Variants in SNRNP200 observed in about 807,000 individuals in gnomAD.
SNRNP200 encodes U5 small nuclear ribonucleoprotein 200 kDa helicase.
In SNRNP200, 66 loss-of-function variants were observed where a neutral mutation model predicts 255.2. The ratio of observed to expected loss-of-function variants is 0.26; its 90% CI spans 0.21 to 0.32. SNRNP200 has a LOEUF of 0.32. Ranked by LOEUF, SNRNP200 falls within the 10% of genes least tolerant of loss-of-function variation. The probability of loss-of-function intolerance (pLI) is 1.00; values close to 1 mark genes in which losing one functional copy is unlikely to be tolerated. For synonymous variants in SNRNP200, 939 were observed against 1,027.8 expected (o/e 0.91, Z 1.65); for missense variants, 1,585 against 2,749.8 (o/e 0.58, Z 9.47).
rs886056464 is a variant in SNRNP200 at position 96,296,950 on chromosome 2, G to A, written c.1498C>T (p.Leu500=). The stretch of plus-strand genomic sequence containing the variant: ...GCGCTTACAGTAGGAGCACACAGCA[G>A]CAGATTCTCATCCGTCTCAAGGGCA... ...RAALETDENL[L]LCAPTGAGKT... The change falls in exon 12 of 45, where the codon CTG becomes TTG. Residue 500 remains leucine, a synonymous_variant. Coordinates refer to ENST00000323853, the MANE Select transcript of SNRNP200 (RefSeq NM_014014.5). 1.2e-6 allele frequency: 2 copies of A among 1,614,214 alleles called. No homozygotes were observed. The highest frequency in any genetic ancestry group is 2.7e-5 in the African/African-American group (2 of 75,054).
At chr2:96,301,931 C>G (rs2063955864) in intron 3 of SNRNP200, among the ~76,000 whole-genome samples, 1 of 152,206 alleles carries the variant, frequency 6.6e-6, no homozygotes, top group African/African-American at 2.4e-5. Flanking sequence ...CAGCAGGACA[C>G]AGCTTCCACA....
In SNRNP200 at chr2:96,274,509, T is replaced by C. The variant is rs1407679174; in HGVS notation, c.*503A>G. The C allele has an allele frequency of 5.1e-6, 1 of 195,210 alleles. No homozygotes were observed. The highest frequency in any genetic ancestry group is 1.1e-5 in the Non-Finnish European group (1 of 93,260). The allele number at this position is 195,210 out of a possible 1,614,324, so 12.1% of individuals were successfully genotyped here. On this transcript the variant is annotated 3_prime_UTR_variant, in exon 45 of 45. Transcript: ENST00000323853. ...GGCTCAGTGTTGGTTCTTGTGGTAG[T>C]GCTGATGTGTGGGTACCACTGAGGC...
intron 8 of SNRNP200, 69 bp from the exon 9 acceptor site, chr2:96,298,489 G>A (rs1221511225): frequency 9.3e-6 from 15 of 1,610,760 alleles, no homozygotes; most frequent in Non-Finnish European, 1.0e-5. Context: ...CCTCAGGGTA[G>A]AAAGAAGAAA....
At position 96,275,308 on chromosome 2, in the gene SNRNP200, C is replaced by T. The variant is rs1684636107; in HGVS notation, c.6216G>A (p.Lys2072=). The part of the protein sequence containing the change: ...EGWWVVIGDA[K]SNSLISIKRL... ...TCTTGATGGAGATGAGGCTATTGGA[C>T]TTGGCATCTCCAATCACCACCCACC... is the stretch of plus-strand genomic sequence containing the variant. The change falls in exon 44 of 45, where the codon AAG becomes AAA. Residue 2072 remains lysine, a synonymous_variant. Transcript: ENST00000323853. 1.9e-6 allele frequency: 3 copies of T among 1,613,924 alleles called. No individual in the cohort carries two copies. Among genetic ancestry groups the T allele is most frequent in the East Asian group, 4.5e-5 (2 of 44,872 alleles).
chr2:96,294,109 T>C (rs1188261738), intron 14 of SNRNP200, among the ~76,000 whole-genome samples: 2 of 148,242 alleles, frequency 1.3e-5, no homozygotes, highest in Non-Finnish European at 3.0e-5. Flanking sequence ...AATGTTTTTT[T>C]TAAAAAGTCA....
intron 13 of SNRNP200, among the ~76,000 whole-genome samples, chr2:96,296,058 G>A (rs2063915011): frequency 6.6e-6 from 1 of 152,088 alleles, no homozygotes; most frequent in Non-Finnish European, 1.5e-5. Flanking sequence ...ACTTGAACCT[G>A]GGAAGTTAAG....
rs1558766261 is a variant in SNRNP200, at chr2:96,286,254, G to A, written c.4003+57C>T. 5.7e-6 allele frequency: 9 copies of A among 1,569,588 alleles called. No individual in the cohort carries two copies. In the East Asian group the frequency reaches 6.7e-5, roughly 12 times the overall value. ...CCCCCACTCCCCTGCCTGCCACAGAGCACATCTGTCTCCCGGTGACTTCAA... is the reference window on the plus strand; with the variant it reads ...CCCCCACTCCCCTGCCTGCCACAGAACACATCTGTCTCCCGGTGACTTCAA... On this transcript the variant is annotated intron_variant, in intron 29 of 44. Transcript: ENST00000323853. The surrounding 1 kb of genome is among the most constrained non-coding windows in gnomAD (Gnocchi z 4.8).
rs1378869718 is a variant in SNRNP200 at position 96,279,390 on chromosome 2, A to C, written c.5133+61T>G. Reference sequence around the variant, plus strand: ...GTTACTGAAGACATCTATCAAAAGAAAGATTAAAGAATCCATTCTGAGGCT... The same window carrying C: ...GTTACTGAAGACATCTATCAAAAGACAGATTAAAGAATCCATTCTGAGGCT... On this transcript the variant is annotated intron_variant, in intron 36 of 44. Coordinates refer to ENST00000323853, the MANE Select transcript of SNRNP200 (RefSeq NM_014014.5). 4 of 1,052,692 alleles carry C rather than the reference A, an allele frequency of 3.8e-6. No homozygotes were observed. In the African/African-American group the frequency reaches 4.7e-5, roughly 12 times the overall value. 65.2% of individuals were successfully genotyped at this position (1,052,692 alleles called of 1,614,324 possible). A position where few individuals can be genotyped will look rare whatever the true frequency, so the allele number is the denominator to read the frequency against.
Position 96,277,111 on chromosome 2 carries a change from TA to T in SNRNP200, c.6061del (p.Tyr2021MetfsTer4), listed in dbSNP as rs748862187. ...CNRYPNIELS[Y>X]EVVDKDSIRS... ...GATGCTGTCCTTATCTACCACCTCA[TA>T]AGATAGTTCGATATTAGGGTAGCGG... On this transcript the variant is annotated frameshift_variant, in exon 42 of 45. Coordinates refer to ENST00000323853, the MANE Select transcript of SNRNP200 (RefSeq NM_014014.5). LOFTEE classifies it high-confidence loss of function. The surrounding 1 kb of genome is among the most constrained non-coding windows in gnomAD (Gnocchi z 4.4). 6.2e-7 allele frequency: 1 copy of T among 1,614,152 alleles called. No homozygotes were observed. Among genetic ancestry groups the T allele is most frequent in the Non-Finnish European group, 8.5e-7 (1 of 1,180,030 alleles).
At position 96,274,604 on chromosome 2, in the gene SNRNP200, G is replaced by C. The variant is rs977577927; in HGVS notation, c.*408C>G. ...CTACAGGGGACAGCACACCTAATGA[G>C]CAGGTCTGTCCTCCAGACATACTCA... On this transcript the variant is annotated 3_prime_UTR_variant, in exon 45 of 45. Coordinates refer to ENST00000323853, the MANE Select transcript of SNRNP200 (RefSeq NM_014014.5). 4.3e-5 allele frequency: 14 copies of C among 327,954 alleles called. No homozygotes were observed. Among genetic ancestry groups the C allele is most frequent in the Non-Finnish European group, 7.7e-5 (13 of 169,194 alleles). 20.3% of individuals were successfully genotyped at this position (327,954 alleles called of 1,614,324 possible). A position where few individuals can be genotyped will look rare whatever the true frequency, so the allele number is the denominator to read the frequency against.
Position 96,283,090 on chromosome 2 carries a change from T to C in SNRNP200, c.4915+111A>G. 7.2e-7 allele frequency: 1 copy of C among 1,397,648 alleles called. No individual in the cohort carries two copies. The highest frequency in any genetic ancestry group is 1.0e-6 in the Non-Finnish European group (1 of 995,644). 86.6% of individuals were successfully genotyped at this position (1,397,648 alleles called of 1,614,324 possible). ...ACAGCCAAGAGTCCTAAACAGTATT[T>C]TGAAAATCTCTGGTATGCTGTAGAG... On this transcript the variant is annotated intron_variant, in intron 34 of 44. Coordinates refer to ENST00000323853, the MANE Select transcript of SNRNP200 (RefSeq NM_014014.5). The surrounding 1 kb of genome is among the most constrained non-coding windows in gnomAD (Gnocchi z 4.7).
At position 96,284,359 on chromosome 2, in the gene SNRNP200, C is replaced by T. The variant is rs775174884; in HGVS notation, c.4391G>A (p.Gly1464Glu). 6.2e-7 allele frequency: 1 copy of T among 1,613,032 alleles called. No individual in the cohort carries two copies. Among genetic ancestry groups the T allele is most frequent in the Admixed American group, 1.7e-5 (1 of 60,018 alleles). Residue 1464 changes from glycine to glutamate, a missense_variant and splice_region_variant, in exon 31 of 45, where the codon GGG becomes GAG. Physicochemically the swap from Gly to Glu is moderately conservative, Grantham distance 98. Coordinates refer to ENST00000323853, the MANE Select transcript of SNRNP200 (RefSeq NM_014014.5). ...DEVHLIGGEN[G>E]PVLEVICSRM... The stretch of plus-strand genomic sequence containing the variant: ...CTGTGCTGCAAGGTCACGCCATACC[C>T]CATTCTCGCCCCCGATAAGGTGGAC...
Position 96,278,119 on chromosome 2 carries a change from T to C in SNRNP200, c.5610+118A>G. On this transcript the variant is annotated intron_variant, in intron 39 of 44. Transcript: ENST00000323853. The surrounding 1 kb of genome is among the most constrained non-coding windows in gnomAD (Gnocchi z 6.9). ...GAGGGAGGTATGGAGCGGGAGGACATATGGCGGGGGTCGGGGGATGCGTAT... is the reference window on the plus strand; with the variant it reads ...GAGGGAGGTATGGAGCGGGAGGACACATGGCGGGGGTCGGGGGATGCGTAT... 1.9e-6 allele frequency: 3 copies of C among 1,547,768 alleles called. No individual in the cohort carries two copies. In the Admixed American group the frequency reaches 5.0e-5, roughly 26 times the overall value.
In SNRNP200 at chr2:96,283,847, T is replaced by C. The variant is rs1371910661; in HGVS notation, c.4550A>G (p.Asn1517Ser). The C allele has an allele frequency of 6.2e-7, 1 of 1,603,508 alleles. No homozygotes were observed. The highest frequency in any genetic ancestry group is 1.1e-5 in the South Asian group (1 of 90,022). ...CAGCTCCAAGGGGACGGGACGCACA[T>C]TGGGATGGAAGTTGAAGGTGGAGGT... The part of the protein sequence containing the change: ...SATSTFNFHP[N>S]VRPVPLELHI... The change falls in exon 32 of 45, where the codon AAT becomes AGT. Residue 1517 changes from asparagine to serine, a missense_variant. Around this residue, in one of 9 missense-constraint regions of SNRNP200, gnomAD observed 719 missense variants for 1,091.1 expected, o/e 0.66. Coordinates refer to ENST00000323853, the MANE Select transcript of SNRNP200 (RefSeq NM_014014.5). The surrounding 1 kb of genome is among the most constrained non-coding windows in gnomAD (Gnocchi z 4.7).
At position 96,293,099 on chromosome 2, in the gene SNRNP200, G is replaced by T; in HGVS notation, c.2037-4C>A. ...TTCCAGAGGCACTGGACGGAAGCTA[G>T]AAGTTCAACAGTTAGACAAATGAGG... On this transcript the variant is annotated splice_region_variant and splice_polypyrimidine_tract_variant and intron_variant, in intron 15 of 44. Transcript: ENST00000323853. 1 of 1,614,200 alleles carries T rather than the reference G, an allele frequency of 6.2e-7. No individual in the cohort carries two copies. The highest frequency in any genetic ancestry group is 1.3e-5 in the African/African-American group (1 of 75,050).
intron 29 of SNRNP200, among the ~76,000 whole-genome samples, chr2:96,285,942 A>AG (rs1257878441): frequency 6.6e-6 from 1 of 152,210 alleles, no homozygotes; most frequent in African/African-American, 2.4e-5. Context: ...CCATGGACTG[A>AG]GGAAACAGTG....
At chr2:96,279,791 T>A (rs914070194) in intron 35 of SNRNP200, 9 of 510,268 alleles carry the variant, frequency 1.8e-5, no homozygotes, top group Admixed American at 3.1e-5. Context: ...TCAAGTGCCA[T>A]GAACCAAGCT....
chr2:96,278,435 C>G lies in SNRNP200; in HGVS notation c.5489-77G>C, dbSNP rs969781516. 1.5e-5 allele frequency: 24 copies of G among 1,611,486 alleles called. No individual in the cohort carries two copies. The highest frequency in any genetic ancestry group is 2.0e-5 in the Non-Finnish European group (24 of 1,179,302). On this transcript the variant is annotated intron_variant, in intron 38 of 44. Transcript: ENST00000323853. This position sits in a 1 kb window ranked among gnomAD's most constrained non-coding sequence, Gnocchi z 6.9. ...AGAACTGCCCGGGCTCCCCTGCTGT[C>G]CCCTGCAGTGTCATCCCGCTGACAA...
Position 96,278,034 on chromosome 2 carries a change from G to A in SNRNP200, c.5611-84C>T. On this transcript the variant is annotated intron_variant, in intron 39 of 44. Coordinates refer to ENST00000323853, the MANE Select transcript of SNRNP200 (RefSeq NM_014014.5). This position sits in a 1 kb window ranked among gnomAD's most constrained non-coding sequence, Gnocchi z 6.9. ...CAGGCCAAAGCACCACGTGGCCCAGGCTCACACAGCCCTTCAACACCCTGA... is the reference window on the plus strand; with the variant it reads ...CAGGCCAAAGCACCACGTGGCCCAGACTCACACAGCCCTTCAACACCCTGA... 1.9e-6 allele frequency: 3 copies of A among 1,588,560 alleles called. No individual in the cohort carries two copies. The highest frequency in any genetic ancestry group is 1.7e-6 in the Non-Finnish European group (2 of 1,157,754).
Sources: gnomAD v4.1 joint callset for allele counts (sites outside exome capture counted in the v4.1 genomes callset) on GRCh38, gnomAD v4.1.1 for gene constraint, gnomAD v4.1.1 regional missense constraint, Gnocchi (gnomAD v3.1) non-coding constraint, MANE v1.5 for transcripts, NCBI Gene and HGNC (gene_info 2026-07-23, HGNC 2026-07-21) for gene names.